Variants in DST observed in about 807,000 individuals in gnomAD.
DST encodes dystonin, also known as bullous pemphigoid antigen.
In DST, 253 loss-of-function variants were observed where a neutral mutation model predicts 875.2. That is an observed-to-expected ratio of 0.29 (90% CI 0.26 to 0.32). The LOEUF is 0.32. Ranked by LOEUF, DST falls within the 10% of genes least tolerant of loss-of-function variation. The pLI is 1.00. For synonymous variants in DST, 3,124 were observed against 3,197.1 expected (o/e 0.98, Z 0.77); for missense variants, 8,287 against 9,111.6 (o/e 0.91, Z 3.68).
chr6:56,953,881 C>T (rs1162830549), intron 1 of DST, 62 bp from the exon 2 acceptor site: 6 of 1,217,166 alleles, frequency 4.9e-6, no homozygotes, highest in African/African-American at 3.1e-5. Context: ...TACCGAGTGA[C>T]TCATGACTTA....
At chr6:56,728,507 C>T (rs1228065004) in intron 5 of DST, among the ~76,000 whole-genome samples, 1 of 152,036 alleles carries the variant, frequency 6.6e-6, no homozygotes, top group Non-Finnish European at 1.5e-5. Flanking sequence ...AACCTCGTCT[C>T]TATTAAAAAA....
rs557952519 is a variant in DST at position 56,472,288 on chromosome 6, C to G, written c.21995-66G>C. On this transcript the variant is annotated intron_variant, in intron 93 of 103. Transcript: ENST00000680361. ...GTGCTGAAATGTGTTAAGGCTTGAC[C>G]TTTTTTGCTTCTAGCTAAGACTGCA... 84 of 1,476,078 alleles carry G rather than the reference C, an allele frequency of 5.7e-5. No homozygotes were observed. The African/African-American group carries it at 8.4e-4, about 15-fold the overall frequency. 91.4% of individuals were successfully genotyped at this position (1,476,078 alleles called of 1,614,324 possible).
intron 2 of DST, among the ~76,000 whole-genome samples, chr6:56,905,256 G>C (rs1450969696): frequency 6.6e-6 from 1 of 152,124 alleles, no homozygotes; most frequent in African/African-American, 2.4e-5. Flanking sequence ...GTATGTGCAT[G>C]TGTGAGGAAC....
chr6:56,474,600 T>C (rs931787600), intron 92 of DST, among the ~76,000 whole-genome samples: 20 of 152,172 alleles, frequency 1.3e-4, no homozygotes, highest in Non-Finnish European at 1.5e-5. Context: ...GGAGAAGTCA[T>C]GTGAATAAAA....
At chr6:56,940,578 T>C (rs1166014823) in intron 2 of DST, among the ~76,000 whole-genome samples, 1 of 152,094 alleles carries the variant, frequency 6.6e-6, no homozygotes, top group Non-Finnish European at 1.5e-5. Flanking sequence ...CCTTTTTTTT[T>C]TCTTTTTATT....
intron 83 of DST, among the ~76,000 whole-genome samples, chr6:56,493,698 A>T (rs1414786280): frequency 6.6e-6 from 1 of 152,144 alleles, no homozygotes; most frequent in Non-Finnish European, 1.5e-5. Flanking sequence ...TTGTTTAATT[A>T]GATTAAAATA....
At chr6:56,943,633 A>G (rs926095836) in intron 2 of DST, among the ~76,000 whole-genome samples, 4 of 151,610 alleles carry the variant, frequency 2.6e-5, no homozygotes, top group Non-Finnish European at 5.9e-5. Flanking sequence ...GGGTTTCTCT[A>G]TGTTGGTCAG....
chr6:56,891,161 G>A (rs1787200759), intron 3 of DST, among the ~76,000 whole-genome samples: 1 of 152,178 alleles, frequency 6.6e-6, no homozygotes, highest in Non-Finnish European at 1.5e-5. Context: ...GGTTCTAGAA[G>A]CCTGCACAGG....
At chr6:56,857,634 GATATTTT>G (rs1369447602) in intron 3 of DST, among the ~76,000 whole-genome samples, 2 of 152,084 alleles carry the variant, frequency 1.3e-5, no homozygotes, top group African/African-American at 4.8e-5. Flanking sequence ...ACATAATTTT[GATATTTT>G]ATATAAACAA....
intron 4 of DST, among the ~76,000 whole-genome samples, chr6:56,783,801 T>C (rs964872738): frequency 2.6e-5 from 4 of 152,212 alleles, no homozygotes; most frequent in Non-Finnish European, 5.9e-5. Flanking sequence ...CGTTAGTTGA[T>C]GCAGTTTCTT....
At chr6:56,534,671 TC>T (rs2096961823) in intron 63 of DST, among the ~76,000 whole-genome samples, 1 of 152,220 alleles carries the variant, frequency 6.6e-6, no homozygotes, top group Admixed American at 6.5e-5. Context: ...TGCCATCTTG[TC>T]AGTGACCTCC....
At chr6:56,579,248 C>T (rs887988529) in intron 49 of DST, among the ~76,000 whole-genome samples, 3 of 152,112 alleles carry the variant, frequency 2.0e-5, no homozygotes, top group Admixed American at 6.5e-5. Flanking sequence ...ACCCCTACTT[C>T]TAGGCTTTGT....
At chr6:56,592,159 T>G (rs2098288077) in intron 49 of DST, 23 bp downstream of exon 49, 1 of 1,605,492 alleles carries the variant, frequency 6.2e-7, no homozygotes. Context: ...ACTGGAAATG[T>G]GGATCTTTCT....
chr6:56,942,301 C>T (rs987729276), intron 2 of DST, among the ~76,000 whole-genome samples: 1 of 152,054 alleles, frequency 6.6e-6, no homozygotes, highest in Non-Finnish European at 1.5e-5. Flanking sequence ...GAGTGTTTGG[C>T]CCATTAATAT....
rs375787839 is a variant in DST, at chr6:56,560,429, A to C, written c.14311-6T>G. 372 of 1,585,336 alleles carry C rather than the reference A, an allele frequency of 2.3e-4. 3 individuals carry two copies. In the South Asian group the frequency reaches 3.9e-3, roughly 17 times the overall value. On this transcript the variant is annotated splice_polypyrimidine_tract_variant and splice_region_variant and intron_variant, in intron 57 of 103. Coordinates refer to ENST00000680361, the MANE Select transcript of DST (RefSeq NM_001374736.1). ...TTCAGTTCTGCCTCAAACGACTAACAAGGGAAAAATAATAATAAATCATGT... is the reference window on the plus strand; with the variant it reads ...TTCAGTTCTGCCTCAAACGACTAACCAGGGAAAAATAATAATAAATCATGT...
chr6:56,513,042 C>T (rs1315809936), intron 72 of DST, among the ~76,000 whole-genome samples: 1 of 152,192 alleles, frequency 6.6e-6, no homozygotes, highest in African/African-American at 2.4e-5. Context: ...GAAGATGTTA[C>T]ATACGTTCTC....
At chr6:56,870,248 A>C (rs960740904) in intron 3 of DST, among the ~76,000 whole-genome samples, 1 of 152,008 alleles carries the variant, frequency 6.6e-6, no homozygotes, top group Non-Finnish European at 1.5e-5. Context: ...GAGCTCACTA[A>C]AATGCTAATT....
rs554106050 is a variant in DST at position 56,824,739 on chromosome 6, C to T, written c.625+26658G>A. ...GAGACCCTCTGCCTGGCAACCACCC[C>T]GTCTGAGAAGTGAGGAGTCCCTCCG... On this transcript the variant is annotated intron_variant, in intron 4 of 103. Transcript: ENST00000680361. 7.9e-3 allele frequency among the ~76,000 whole-genome samples: 1,202 copies of T among 151,688 alleles called. 15 individuals carry two copies. The highest frequency in any genetic ancestry group is 0.028 in the African/African-American group (1,142 of 41,390).
At chr6:56,558,792 G>A (rs975004541) in intron 58 of DST, among the ~76,000 whole-genome samples, 12 of 152,070 alleles carry the variant, frequency 7.9e-5, no homozygotes, top group African/African-American at 2.7e-4. Context: ...TATCCCTGCT[G>A]ATTTCATCCT....
Sources: allele counts gnomAD v4.1 joint callset (sites outside exome capture counted in the v4.1 genomes callset), GRCh38; gene constraint gnomAD v4.1.1; transcripts MANE v1.5; gene names NCBI Gene and HGNC (gene_info 2026-07-23, HGNC 2026-07-21).